The following KCTD4 variants were observed in gnomAD, a reference collection of about 807,000 sequenced individuals.
KCTD4 encodes the protein BTB/POZ domain-containing protein KCTD4.
KCTD4 carries 12 observed loss-of-function variants against 18.3 expected under a neutral mutation model. The ratio of observed to expected loss-of-function variants is 0.66; its 90% CI spans 0.42 to 1.06. The LOEUF is 1.06. Among genes scored for constraint, KCTD4 ranks in the 50% least tolerant of loss-of-function variants. The pLI, the probability that KCTD4 is intolerant of heterozygous loss-of-function variation, is 0.00. For missense variants in KCTD4, 250 were observed against 303.4 expected, an observed-to-expected ratio of 0.82 and a Z score of 1.31; for synonymous variants, 124 against 110.5, an observed-to-expected ratio of 1.12 and a Z score of -0.76.
In KCTD4 at chr13:45,194,050, A is replaced by G; in HGVS notation, c.518T>C (p.Val173Ala). The G allele has an allele frequency of 1.2e-6, 2 of 1,614,188 alleles. No individual in the cohort carries two copies. Among genetic ancestry groups the G allele is most frequent in the Non-Finnish European group, 1.7e-6 (2 of 1,180,020 alleles). ...DFISKIKSRIVLVSKSRLDGF... is the reference protein window; with the variant it reads ...DFISKIKSRIALVSKSRLDGF... ...ATCCAGCCTGCTTTTGGACACCAGA[A>G]CAATGCGAGACTTTATTTTTGATAT... Residue 173 changes from valine to alanine, a missense_variant, in exon 2 of 2, where the codon GTT becomes GCT. Coordinates refer to ENST00000379108, the MANE Select transcript of KCTD4 (RefSeq NM_198404.3).
rs958252422 is a variant in KCTD4 at position 45,200,860 on chromosome 13, C to T, written c.-224G>A. 1.3e-5 allele frequency among the ~76,000 whole-genome samples: 2 copies of T among 152,138 alleles called. No homozygotes were observed. Among genetic ancestry groups the T allele is most frequent in the Admixed American group, 1.3e-4 (2 of 15,266 alleles). On this transcript the variant is annotated 5_prime_UTR_variant, in exon 1 of 2. Transcript: ENST00000379108. The stretch of plus-strand genomic sequence containing the variant: ...AAAGATTATTTCTTCAGTCTTTTCC[C>T]AGAGAGTGTCGACACAGGTGTGATG...
intron 1 of KCTD4, among the ~76,000 whole-genome samples, chr13:45,199,131 G>A (rs1182001523): frequency 1.3e-5 from 2 of 152,222 alleles, no homozygotes; most frequent in South Asian, 2.1e-4. Context: ...CTAATAGGAC[G>A]TAACCTCTGG....
At chr13:45,197,050 A>G (rs1872930588) in intron 1 of KCTD4, among the ~76,000 whole-genome samples, 1 of 150,696 alleles carries the variant, frequency 6.6e-6, no homozygotes, top group African/African-American at 2.4e-5. Flanking sequence ...TCTAGACTTC[A>G]CTCTGGTGTT....
In KCTD4 at chr13:45,194,396, A is replaced by G. The variant is rs1363341570; in HGVS notation, c.172T>C (p.Phe58Leu). The change falls in exon 2 of 2, where the codon TTC (phenylalanine) becomes CTC (leucine). Residue 58 changes from phenylalanine (F) to leucine (L), a missense_variant. Physicochemically the swap from Phe to Leu is conservative, Grantham distance 22. Transcript: ENST00000379108. ...KQTLTKYPDT[F>L]LEGIVNGKIL... ...TTTCCATTTACTATACCTTCAAGGA[A>G]AGTGTCTGGGTACTTGGTCAGTGTT... 1.2e-6 allele frequency: 2 copies of G among 1,614,190 alleles called. No individual in the cohort carries two copies. Among genetic ancestry groups the G allele is most frequent in the East Asian group, 2.2e-5 (1 of 44,882 alleles).
At chr13:45,200,348 G>A (rs1406130197) in intron 1 of KCTD4, among the ~76,000 whole-genome samples, 1 of 151,938 alleles carries the variant, frequency 6.6e-6, no homozygotes, top group African/African-American at 2.4e-5. Context: ...TTTGATACAG[G>A]GTCTTGCTCT....
intron 1 of KCTD4, among the ~76,000 whole-genome samples, chr13:45,200,380 T>A (rs1873117013): frequency 6.6e-6 from 1 of 152,052 alleles, no homozygotes; most frequent in Admixed American, 6.6e-5. Context: ...TGGAGTGTAT[T>A]GCAACCTCAA....
At position 45,194,084 on chromosome 13, in the gene KCTD4, G is replaced by A. The variant is rs1443691986; in HGVS notation, c.484C>T (p.Pro162Ser). 1.9e-6 allele frequency: 3 copies of A among 1,614,098 alleles called. No homozygotes were observed. The highest frequency in any genetic ancestry group is 2.5e-6 in the Non-Finnish European group (3 of 1,180,000). The change falls in exon 2 of 2, where the codon CCT (proline) becomes TCT (serine). Residue 162 changes from proline to serine, a missense_variant. Transcript: ENST00000379108. ...SQGLRIFCNA[P>S]DFISKIKSRI... The stretch of plus-strand genomic sequence containing the variant: ...GACTTTATTTTTGATATGAAATCAG[G>A]AGCATTACAGAAGATTCTTAATCCT...
At chr13:45,200,188 G>A (rs1358408725) in intron 1 of KCTD4, among the ~76,000 whole-genome samples, 2 of 151,878 alleles carry the variant, frequency 1.3e-5, no homozygotes, top group Non-Finnish European at 2.9e-5. Context: ...TATTCCCTCC[G>A]TATCACAAGA....
rs1299976117 is a variant in KCTD4, at chr13:45,193,621, C to CA, written c.*166dup. Reference sequence around the variant, plus strand: ...CAGTAGGAACACCCCAGAGGAAGGACATCTTTAGCGATAGAATTTACATAC... The same window carrying CA: ...CAGTAGGAACACCCCAGAGGAAGGACAATCTTTAGCGATAGAATTTACATAC... On this transcript the variant is annotated 3_prime_UTR_variant, in exon 2 of 2. Coordinates refer to ENST00000379108, the MANE Select transcript of KCTD4 (RefSeq NM_198404.3). 1.6e-6 allele frequency: 1 copy of CA among 607,064 alleles called. No homozygotes were observed. Among genetic ancestry groups the CA allele is most frequent in the Non-Finnish European group, 2.8e-6 (1 of 352,446 alleles). 37.6% of individuals were successfully genotyped at this position (607,064 alleles called of 1,614,324 possible).
chr13:45,199,813 A>G (rs1873086663), intron 1 of KCTD4, among the ~76,000 whole-genome samples: 1 of 152,202 alleles, frequency 6.6e-6, no homozygotes, highest in African/African-American at 2.4e-5. Flanking sequence ...CTGTTACCGT[A>G]TACTAGCGCC....
chr13:45,198,425 C>T (rs1282504672), intron 1 of KCTD4, among the ~76,000 whole-genome samples: 1 of 152,180 alleles, frequency 6.6e-6, no homozygotes, highest in African/African-American at 2.4e-5. Flanking sequence ...TGATAATTCT[C>T]CTAGACTTAA....
intron 1 of KCTD4, among the ~76,000 whole-genome samples, chr13:45,198,726 C>T (rs1226999837): frequency 5.2e-4 from 79 of 151,502 alleles, no homozygotes; most frequent in Non-Finnish European, 8.8e-5. Flanking sequence ...GTTTATTGAT[C>T]TGTGTTTTGA....
At chr13:45,197,860 G>A (rs1204507538) in intron 1 of KCTD4, among the ~76,000 whole-genome samples, 1 of 152,154 alleles carries the variant, frequency 6.6e-6, no homozygotes, top group Non-Finnish European at 1.5e-5. Flanking sequence ...GATACAAACC[G>A]GAACTGCTCA....
At chr13:45,199,810 C>T (rs927303620) in intron 1 of KCTD4, among the ~76,000 whole-genome samples, 1 of 152,114 alleles carries the variant, frequency 6.6e-6, no homozygotes, top group Non-Finnish European at 1.5e-5. Context: ...TCTCTGTTAC[C>T]GTATACTAGC....
At position 45,194,373 on chromosome 13, in the gene KCTD4, T is replaced by C; in HGVS notation, c.195A>G (p.Gly65=). ...CAGCATCAAACGGGCAGAGGATTTT[T>C]CCATTTACTATACCTTCAAGGAAAG... is the stretch of plus-strand genomic sequence containing the variant. ...PDTFLEGIVN[G]KILCPFDADG... is the part of the protein sequence containing the mutation. The change falls in exon 2 of 2, where the codon GGA becomes GGG. Residue 65 remains glycine (G), a synonymous_variant. Transcript: ENST00000379108. 6.2e-7 allele frequency: 1 copy of C among 1,614,162 alleles called. No individual in the cohort carries two copies. The highest frequency in any genetic ancestry group is 8.5e-7 in the Non-Finnish European group (1 of 1,180,016).
chr13:45,198,607 A>G lies in KCTD4; in HGVS notation c.-188+2217T>C, dbSNP rs966952133. Among the ~76,000 whole-genome samples the G allele has an allele frequency of 3.9e-5, 6 of 152,138 alleles. No homozygotes were observed. The East Asian group carries it at 9.6e-4, about 24-fold the overall frequency. Reference sequence around the variant, plus strand: ...TGTCTTTTAAAAGGATTTCATTCCCATTACCTTAGAAAGAAAGTAAAAGCT... The same window carrying G: ...TGTCTTTTAAAAGGATTTCATTCCCGTTACCTTAGAAAGAAAGTAAAAGCT... On this transcript the variant is annotated intron_variant, in intron 1 of 1. Transcript: ENST00000379108.
Position 45,194,030 on chromosome 13 carries a change from G to A in KCTD4, c.538C>T (p.Leu180=), listed in dbSNP as rs1412772845. The A allele has an allele frequency of 6.2e-7, 1 of 1,614,064 alleles. No individual in the cohort carries two copies. Among genetic ancestry groups the A allele is most frequent in the Non-Finnish European group, 8.5e-7 (1 of 1,179,976 alleles). Residue 180 remains leucine (L), a synonymous_variant, in exon 2 of 2, where the codon CTG becomes TTG. Transcript: ENST00000379108. ...GAAAACTCCTCTGGAAATCCATCCA[G>A]CCTGCTTTTGGACACCAGAACAATG... ...SRIVLVSKSR[L]DGFPEEFSIS... is the part of the protein sequence containing the mutation.
In KCTD4 at chr13:45,193,898, TAA is replaced by T; in HGVS notation, c.668_669del (p.Leu223GlnfsTer3). 1.9e-6 allele frequency: 3 copies of T among 1,614,112 alleles called. No homozygotes were observed. Among genetic ancestry groups the T allele is most frequent in the Non-Finnish European group, 2.5e-6 (3 of 1,179,978 alleles). On this transcript the variant is annotated frameshift_variant, in exon 2 of 2. Transcript: ENST00000379108. LOFTEE classifies it high-confidence loss of function. ...AAAGCCATCATGATAGCCTCAAACTTAAGAGTTTCCAAGGTACAGACAAAGGT... is the reference window on the plus strand; with the variant it reads ...AAAGCCATCATGATAGCCTCAAACTTGAGTTTCCAAGGTACAGACAAAGGT... Reference protein sequence around the residue: ...DNTFVCTLETLKFEAIMMALK... With the variant: ...DNTFVCTLETXKFEAIMMALK...
Position 45,193,528 on chromosome 13 carries a change from A to G in KCTD4, c.*260T>C. On this transcript the variant is annotated 3_prime_UTR_variant, in exon 2 of 2. Coordinates refer to ENST00000379108, the MANE Select transcript of KCTD4 (RefSeq NM_198404.3). ...ACAGCTTAAGGACAAATAAATAGCA[A>G]AAGCTTTCAGTCTTTATTTACAGTA... The G allele has an allele frequency of 8.3e-6, 3 of 360,556 alleles. No homozygotes were observed. The highest frequency in any genetic ancestry group is 1.5e-5 in the Non-Finnish European group (3 of 200,828). 22.3% of individuals were successfully genotyped at this position (360,556 alleles called of 1,614,324 possible).
Sources: allele counts gnomAD v4.1 joint callset (sites outside exome capture counted in the v4.1 genomes callset), GRCh38; gene constraint gnomAD v4.1.1; transcripts MANE v1.5; gene names NCBI Gene and HGNC (gene_info 2026-07-23, HGNC 2026-07-21).